Variants in ZFYVE28 observed in about 807,000 individuals in gnomAD.
The protein encoded by ZFYVE28 is zinc finger FYVE-type containing 28.
Under a neutral mutation model 82.1 loss-of-function variants are expected in ZFYVE28, and 40 were observed. The ratio of observed to expected loss-of-function variants is 0.49; its 90% CI spans 0.38 to 0.63. The LOEUF (loss-of-function observed/expected upper bound fraction) is 0.63. ZFYVE28 is among the 30% of genes least tolerant of loss of function. The probability of loss-of-function intolerance (pLI) is 0.00; values close to 1 mark genes in which losing one functional copy is unlikely to be tolerated. For synonymous variants in ZFYVE28, 612 were observed against 546.1 expected, an observed-to-expected ratio of 1.12 and a Z score of -1.68; for missense variants, 1,321 against 1,242.1, an observed-to-expected ratio of 1.06 and a Z score of -0.96.
At position 2,409,641 on chromosome 4, in the gene ZFYVE28, G is replaced by C. The variant is rs895807485; in HGVS notation, c.39+8644C>G. The stretch of plus-strand genomic sequence containing the variant: ...CCTGACAGCCTTGGAGATTCCCACT[G>C]AGCAGCCCATGCCGGCGCTGTGAGA... On this transcript the variant is annotated intron_variant, in intron 1 of 12. Transcript: ENST00000290974. This position sits in a 1 kb window ranked among gnomAD's most constrained non-coding sequence, Gnocchi z 4.4. Among the ~76,000 whole-genome samples, 3 of 152,240 alleles carry C rather than the reference G, an allele frequency of 2.0e-5. No homozygotes were observed. Among genetic ancestry groups the C allele is most frequent in the African/African-American group, 7.2e-5 (3 of 41,460 alleles).
intron 1 of ZFYVE28, among the ~76,000 whole-genome samples, chr4:2,358,809 CTTT>C (rs111714888): frequency 1.3e-5 from 2 of 148,574 alleles, no homozygotes; most frequent in Non-Finnish European, 3.0e-5. Context: ...ATCTCCCCCA[CTTT>C]TTTTTTTGAG....
intron 5 of ZFYVE28, among the ~76,000 whole-genome samples, chr4:2,336,339 CT>C: frequency 6.6e-6 from 1 of 152,266 alleles, no homozygotes; most frequent in Non-Finnish European, 1.5e-5. Context: ...ATCTTATTTT[CT>C]GATAATTTGA....
At chr4:2,367,331 C>G (rs777442932) in intron 1 of ZFYVE28, among the ~76,000 whole-genome samples, 1 of 151,936 alleles carries the variant, frequency 6.6e-6, no homozygotes, top group Non-Finnish European at 1.5e-5. Context: ...TCCATTCCCA[C>G]TGTGCTAGCA....
At chr4:2,274,444 C>T (rs1736213231) in intron 8 of ZFYVE28, among the ~76,000 whole-genome samples, 2 of 152,140 alleles carry the variant, frequency 1.3e-5, no homozygotes, top group South Asian at 2.1e-4. Context: ...GAGCCAGTCC[C>T]GGGCCTTTGA....
At chr4:2,270,965 G>A (rs1735855263) in intron 12 of ZFYVE28, 109 bp from the exon 13 acceptor site, 2 of 1,475,984 alleles carry the variant, frequency 1.4e-6, no homozygotes, top group South Asian at 1.3e-5. Flanking sequence ...ATTGGTGGGT[G>A]GGGACTGCCC....
chr4:2,362,520 C>T lies in ZFYVE28; in HGVS notation c.40-8447G>A, dbSNP rs1396578188. 6.6e-6 allele frequency among the ~76,000 whole-genome samples: 1 copy of T among 151,690 alleles called. No homozygotes were observed. Among genetic ancestry groups the T allele is most frequent in the African/African-American group, 2.4e-5 (1 of 41,012 alleles). ...ACAGGCCCAGCCCCTCCTGCACATG[C>T]CCAACCCCTCCTGTCCGCACTGAGG... is the stretch of plus-strand genomic sequence containing the variant. On this transcript the variant is annotated intron_variant, in intron 1 of 12. Coordinates refer to ENST00000290974, the MANE Select transcript of ZFYVE28 (RefSeq NM_020972.3). The surrounding 1 kb of genome is among the most constrained non-coding windows in gnomAD (Gnocchi z 5.1).
At chr4:2,322,066 C>A (rs992526292) in intron 6 of ZFYVE28, among the ~76,000 whole-genome samples, 2 of 152,248 alleles carry the variant, frequency 1.3e-5, no homozygotes, top group Non-Finnish European at 2.9e-5. Context: ...TTAGCTTTCG[C>A]GTGCTGGACG....
intron 7 of ZFYVE28, chr4:2,306,982 C>G (rs541385152): frequency 1.3e-5 from 2 of 152,442 alleles, no homozygotes; most frequent in Admixed American, 1.3e-4. Context: ...GGTGGGACTG[C>G]TGAGCCTGAC....
At chr4:2,398,220 G>A (rs3128789) in intron 1 of ZFYVE28, among the ~76,000 whole-genome samples, 128,799 of 151,956 alleles carry the variant, frequency 0.85, 54,748 homozygotes, top group Admixed American at 0.9. Context: ...GAAGGCCAGT[G>A]CCCGTGCCAG....
At position 2,293,002 on chromosome 4, in the gene ZFYVE28, G is replaced by C. The variant is rs1262649402; in HGVS notation, c.2051+11287C>G. On this transcript the variant is annotated intron_variant, in intron 8 of 12. Transcript: ENST00000290974. Reference sequence around the variant, plus strand: ...GCCGAACATCTGAACATCAATCATTGTGACTTATTACATTAATAGGCTAAA... The same window carrying C: ...GCCGAACATCTGAACATCAATCATTCTGACTTATTACATTAATAGGCTAAA... 3.3e-5 allele frequency among the ~76,000 whole-genome samples: 5 copies of C among 152,072 alleles called. No individual in the cohort carries two copies. In the South Asian group the frequency reaches 8.3e-4, roughly 25 times the overall value.
Position 2,273,936 on chromosome 4 carries a change from G to T in ZFYVE28, c.2206+126C>A, listed in dbSNP as rs1736153956. 6.3e-6 allele frequency: 7 copies of T among 1,106,456 alleles called. No homozygotes were observed. The Admixed American group carries it at 8.9e-5, about 14-fold the overall frequency. The allele number at this position is 1,106,456 out of a possible 1,614,324, so 68.5% of individuals were successfully genotyped here. ...CATGAACAGGAGTGCTGGCTCCTTAGGGGCAGAGTGGGCTGCTGTTTACAG... is the reference window on the plus strand; with the variant it reads ...CATGAACAGGAGTGCTGGCTCCTTATGGGCAGAGTGGGCTGCTGTTTACAG... On this transcript the variant is annotated intron_variant, in intron 9 of 12. Coordinates refer to ENST00000290974, the MANE Select transcript of ZFYVE28 (RefSeq NM_020972.3).
intron 1 of ZFYVE28, among the ~76,000 whole-genome samples, chr4:2,386,865 C>G (rs966396301): frequency 1.3e-5 from 2 of 152,276 alleles, no homozygotes; most frequent in African/African-American, 4.8e-5. Flanking sequence ...CATGCCCGCC[C>G]GCCTGAGGTG....
At chr4:2,380,680 G>C (rs1420671599) in intron 1 of ZFYVE28, among the ~76,000 whole-genome samples, 2 of 152,156 alleles carry the variant, frequency 1.3e-5, no homozygotes, top group Non-Finnish European at 2.9e-5. Flanking sequence ...TTGAATCATG[G>C]GGGTGATTTC....
chr4:2,406,410 G>C (rs931626825), intron 1 of ZFYVE28: 6 of 152,182 alleles, frequency 3.9e-5, no homozygotes, highest in Admixed American at 3.9e-4. Context: ...GGGGCTGCCC[G>C]AGAGCTCCTG....
chr4:2,304,489 T>C lies in ZFYVE28; in HGVS notation c.1851A>G (p.Ser617=), dbSNP rs145252417. 1.2e-6 allele frequency: 2 copies of C among 1,613,024 alleles called. No individual in the cohort carries two copies. Among genetic ancestry groups the C allele is most frequent in the Non-Finnish European group, 8.5e-7 (1 of 1,179,726 alleles). The stretch of plus-strand genomic sequence containing the variant: ...GCTCCCGCCCGTTGGAGGCATCTTC[T>C]GAGGGTGGGGGCGCCTCCTCCTGTC... ...PERQEEAPPP[S]EDASNGREPK... The change falls in exon 8 of 13, where the codon TCA becomes TCG. Residue 617 remains serine, a synonymous_variant. Coordinates refer to ENST00000290974, the MANE Select transcript of ZFYVE28 (RefSeq NM_020972.3).
At position 2,335,498 on chromosome 4, in the gene ZFYVE28, C is replaced by T. The variant is rs182222644; in HGVS notation, c.701+207G>A. ...TCTAGGGTGACAGAGCCTCCCTCAC[C>T]AGCAAGGTGAACAGGGGGCACTCAG... is the stretch of plus-strand genomic sequence containing the variant. On this transcript the variant is annotated intron_variant, in intron 6 of 12. Transcript: ENST00000290974. The surrounding 1 kb of genome is among the most constrained non-coding windows in gnomAD (Gnocchi z 5.8). Among the ~76,000 whole-genome samples, 1 of 152,296 alleles carries T rather than the reference C, an allele frequency of 6.6e-6. No individual in the cohort carries two copies. The highest frequency in any genetic ancestry group is 1.9e-4 in the East Asian group (1 of 5,180).
chr4:2,381,961 G>T (rs1271490115), intron 1 of ZFYVE28, among the ~76,000 whole-genome samples: 4 of 152,238 alleles, frequency 2.6e-5, no homozygotes, highest in African/African-American at 9.6e-5. Flanking sequence ...CTGTGTCCCA[G>T]CTGCTCCAGC....
At chr4:2,379,110 C>G (rs1427800852) in intron 1 of ZFYVE28, among the ~76,000 whole-genome samples, 20 of 152,198 alleles carry the variant, frequency 1.3e-4, no homozygotes, top group Admixed American at 1.3e-3. Flanking sequence ...CATGGACAGA[C>G]AGCATCTGAG....
At chr4:2,346,228 G>C (rs1723554742) in intron 2 of ZFYVE28, among the ~76,000 whole-genome samples, 1 of 149,664 alleles carries the variant, frequency 6.7e-6, no homozygotes, top group African/African-American at 2.5e-5. Flanking sequence ...TATAGTCCCA[G>C]CTACGTGGGG....
Sources: gnomAD v4.1 joint callset for allele counts (sites outside exome capture counted in the v4.1 genomes callset) on GRCh38, gnomAD v4.1.1 for gene constraint, Gnocchi (gnomAD v3.1) non-coding constraint, MANE v1.5 for transcripts, NCBI Gene and HGNC (gene_info 2026-07-23, HGNC 2026-07-21) for gene names.